CEP83: variants seen among roughly 807,000 people sequenced by gnomAD.
CEP83 encodes centrosomal protein 83, also known as centrosomal protein of 83 kDa.
CEP83 carries 70 observed loss-of-function variants against 101.9 expected under a neutral mutation model. The ratio of observed to expected loss-of-function variants is 0.69; its 90% confidence interval spans 0.57 to 0.84. CEP83 has a LOEUF of 0.84. CEP83 is among the 40% of genes least tolerant of loss of function. The probability of loss-of-function intolerance (pLI) is 0.00; values close to 1 mark genes in which losing one functional copy is unlikely to be tolerated. For synonymous variants in CEP83, 264 were observed against 267.9 expected, an observed-to-expected ratio of 0.99 and a Z score of 0.14; for missense variants, 715 against 787.2, an observed-to-expected ratio of 0.91 and a Z score of 1.10.
the CEP83 span, among the ~76,000 whole-genome samples, chr12:94,285,484 T>G: frequency 6.6e-6 from 1 of 152,168 alleles, no homozygotes; most frequent in African/African-American, 2.4e-5. Context: ...GGCTAGCAAC[T>G]TGCCCCGTGC....
At chr12:94,450,660 A>C (rs2067184769) in intron 1 of CEP83, among the ~76,000 whole-genome samples, 1 of 152,240 alleles carries the variant, frequency 6.6e-6, no homozygotes, top group Non-Finnish European at 1.5e-5. Context: ...TAACCAAATA[A>C]GTGCACGATT....
intron 12 of CEP83, 67 bp from the exon 13 acceptor site, chr12:94,333,706 A>C: frequency 6.8e-7 from 1 of 1,480,436 alleles, no homozygotes; most frequent in Non-Finnish European, 9.3e-7. Context: ...TGAGAGAAGC[A>C]GAAGATACTA....
At chr12:94,411,190 ATC>A (rs1236782439) in intron 4 of CEP83, among the ~76,000 whole-genome samples, 4 of 152,202 alleles carry the variant, frequency 2.6e-5, no homozygotes, top group Non-Finnish European at 5.9e-5. Context: ...CGTGAAAATG[ATC>A]TAAAGAAACT....
At chr12:94,355,445 C>G (rs560740276) in intron 11 of CEP83, among the ~76,000 whole-genome samples, 1 of 151,934 alleles carries the variant, frequency 6.6e-6, no homozygotes, top group South Asian at 2.1e-4. Context: ...GTGAGCAGAT[C>G]GCACCACTGC....
intron 6 of CEP83, among the ~76,000 whole-genome samples, chr12:94,391,850 A>C (rs1182785439): frequency 6.6e-6 from 1 of 152,224 alleles, no homozygotes; most frequent in Non-Finnish European, 1.5e-5. Context: ...TCTCTGATAA[A>C]ACAAACTTTA....
At chr12:94,340,447 T>G (rs996988262) in intron 11 of CEP83, among the ~76,000 whole-genome samples, 1 of 151,954 alleles carries the variant, frequency 6.6e-6, no homozygotes, top group African/African-American at 2.4e-5. Flanking sequence ...TTTTTTTTTT[T>G]TTTTTTTAAG....
In CEP83 at chr12:94,317,378, T is replaced by C. The variant is rs1387671721; in HGVS notation, c.1708-4361A>G. Among the ~76,000 whole-genome samples, 4 of 152,288 alleles carry C rather than the reference T, an allele frequency of 2.6e-5. No homozygotes were observed. In the East Asian group the frequency reaches 7.7e-4, roughly 29 times the overall value. Reference sequence around the variant, plus strand: ...TTCTGTAGGTTATCTGTCTACTCTGTTGACAGTTTCTTTTGCTGTGCAGAA... The same window carrying C: ...TTCTGTAGGTTATCTGTCTACTCTGCTGACAGTTTCTTTTGCTGTGCAGAA... On this transcript the variant is annotated intron_variant, in intron 14 of 16. Transcript: ENST00000397809.
At chr12:94,400,808 A>G in intron 6 of CEP83, 42 bp downstream of exon 6, 1 of 1,242,718 alleles carries the variant, frequency 8.0e-7, no homozygotes, top group Non-Finnish European at 1.0e-6. Context: ...AATTGTGTTG[A>G]CCAGAACAAT....
chr12:94,275,681 G>A, the CEP83 span, among the ~76,000 whole-genome samples: 6 of 109,964 alleles, frequency 5.5e-5, 1 homozygote, highest in African/African-American at 1.9e-4. Flanking sequence ...GTGAAACCCC[G>A]TCTCTACTAA....
chr12:94,424,799 T>C, intron 2 of CEP83: 1 of 1,608,268 alleles, frequency 6.2e-7, no homozygotes. Flanking sequence ...GATGTATAGG[T>C]TGGTTTTGCT....
chr12:94,431,047 A>G lies in CEP83; in HGVS notation c.-102+4228T>C, dbSNP rs1394812378. Among the ~76,000 whole-genome samples the G allele has an allele frequency of 2.0e-5, 3 of 152,240 alleles. No homozygotes were observed. In the East Asian group the frequency reaches 5.8e-4, roughly 29 times the overall value. On this transcript the variant is annotated intron_variant, in intron 2 of 16. Transcript: ENST00000397809. Reference sequence around the variant, plus strand: ...GTCATGATATAATAGTAAGAGGATCAATTCAGCAAGAGGATAACAATTCTA... The same window carrying G: ...GTCATGATATAATAGTAAGAGGATCGATTCAGCAAGAGGATAACAATTCTA...
chr12:94,346,919 T>A (rs1010562736), intron 11 of CEP83, among the ~76,000 whole-genome samples: 2 of 152,084 alleles, frequency 1.3e-5, no homozygotes, highest in Non-Finnish European at 1.5e-5. Flanking sequence ...GCACCTGTAG[T>A]CCCAGCTACT....
rs2061681792 is a variant in CEP83 at position 94,378,775 on chromosome 12, G to A, written c.801+16C>T. On this transcript the variant is annotated intron_variant, in intron 7 of 16. Transcript: ENST00000397809. Reference sequence around the variant, plus strand: ...AAAGTATGCCATACTCTACTGGGAAGTAATTAGAATCTTACCTCCAGGGAT... The same window carrying A: ...AAAGTATGCCATACTCTACTGGGAAATAATTAGAATCTTACCTCCAGGGAT... 4 of 1,613,298 alleles carry A rather than the reference G, an allele frequency of 2.5e-6. No homozygotes were observed. The highest frequency in any genetic ancestry group is 1.3e-5 in the African/African-American group (1 of 75,002).
chr12:94,290,951 G>GTAAT, the CEP83 span, among the ~76,000 whole-genome samples: 3 of 152,204 alleles, frequency 2.0e-5, no homozygotes, highest in Admixed American at 2.0e-4. Context: ...CGTTTGTCTT[G>GTAAT]TAATTTTGTG....
At chr12:94,310,676 A>G (rs1969719521) in intron 15 of CEP83, among the ~76,000 whole-genome samples, 1 of 152,214 alleles carries the variant, frequency 6.6e-6, no homozygotes, top group Non-Finnish European at 1.5e-5. Flanking sequence ...GTATATAAGT[A>G]GACCCATGCA....
Position 94,394,110 on chromosome 12 carries a change from T to A in CEP83, c.549+6740A>T, listed in dbSNP as rs998428943. Among the ~76,000 whole-genome samples the A allele has an allele frequency of 1.8e-4, 28 of 152,140 alleles. 1 individual carries two copies. Among genetic ancestry groups the A allele is most frequent in the Admixed American group, 5.9e-4 (9 of 15,270 alleles). ...CTACCAATGACTTTCTTCACAGAAT[T>A]GGAAAAAACTACTTTAAAGTTCATA... On this transcript the variant is annotated intron_variant, in intron 6 of 16. Coordinates refer to ENST00000397809, the MANE Select transcript of CEP83 (RefSeq NM_016122.3).
At chr12:94,312,722 C>T (rs997120004) in intron 15 of CEP83, 192 bp downstream of exon 15, 1 of 985,304 alleles carries the variant, frequency 1.0e-6, no homozygotes. Context: ...TGGTATGTGA[C>T]AGAGACCTTT....
rs1414572948 is a variant in CEP83 at position 94,400,925 on chromosome 12, G to C, written c.474C>G (p.Leu158=). 6 of 1,512,736 alleles carry C rather than the reference G, an allele frequency of 4.0e-6. No homozygotes were observed. The highest frequency in any genetic ancestry group is 1.7e-4 in the Middle Eastern group (1 of 5,732). The allele number at this position is 1,512,736 out of a possible 1,614,324, so 93.7% of individuals were successfully genotyped here. A position where few individuals can be genotyped will look rare whatever the true frequency, so the allele number is the denominator to read the frequency against. ...YNKLRYEHTF[L]KSEFEHQKEE... ...CCTTCTGGTGTTCAAATTCTGACTTGAGAAATGTATGTTCATAGCGAAGCT... is the reference window on the plus strand; with the variant it reads ...CCTTCTGGTGTTCAAATTCTGACTTCAGAAATGTATGTTCATAGCGAAGCT... Residue 158 remains leucine, a synonymous_variant, in exon 6 of 17, where the codon CTC becomes CTG. Coordinates refer to ENST00000397809, the MANE Select transcript of CEP83 (RefSeq NM_016122.3).
intron 11 of CEP83, among the ~76,000 whole-genome samples, chr12:94,364,384 C>G (rs543798327): frequency 6.6e-6 from 1 of 152,238 alleles, no homozygotes; most frequent in South Asian, 2.1e-4. Context: ...AAAAAACAAA[C>G]ATATAATTAT....
Sources: gnomAD v4.1 joint callset for allele counts (sites outside exome capture counted in the v4.1 genomes callset) on GRCh38, gnomAD v4.1.1 for gene constraint, MANE v1.5 for transcripts, NCBI Gene and HGNC (gene_info 2026-07-23, HGNC 2026-07-21) for gene names.